The following ALAD variants were observed in gnomAD, a reference collection of about 807,000 sequenced individuals.
ALAD encodes the protein aminolevulinate dehydratase, also known as delta-aminolevulinic acid dehydratase.
A neutral mutation model predicts 44.4 loss-of-function variants in ALAD; 20 were observed. The ratio of observed to expected loss-of-function variants is 0.45; its 90% CI spans 0.32 to 0.65. The LOEUF (loss-of-function observed/expected upper bound fraction) is 0.65, where lower values mean the gene tolerates loss of function less well. ALAD is among the 30% of genes least tolerant of loss of function. The pLI is 0.05. For missense variants in ALAD, 323 were observed against 445.7 expected (o/e 0.72, Z 2.48); for synonymous variants, 156 against 167.9 (o/e 0.93, Z 0.55).
intron 1 of ALAD, among the ~76,000 whole-genome samples, chr9:113,399,232 A>C (rs1827802629): frequency 6.6e-6 from 1 of 152,192 alleles, no homozygotes; most frequent in Non-Finnish European, 1.5e-5. Context: ...GATATCTCTA[A>C]CTTGCAAGGC....
intron 1 of ALAD, among the ~76,000 whole-genome samples, chr9:113,400,695 G>C (rs931166475): frequency 1.2e-4 from 19 of 152,246 alleles, no homozygotes; most frequent in African/African-American, 4.6e-4. Context: ...GGTGGCACAC[G>C]CCTGTAATCC....
chr9:113,388,251 C>T lies in ALAD; in HGVS notation c.*49G>A. 2 of 1,590,380 alleles carry T rather than the reference C, an allele frequency of 1.3e-6. No individual in the cohort carries two copies. The highest frequency in any genetic ancestry group is 1.7e-6 in the Non-Finnish European group (2 of 1,158,444). The stretch of plus-strand genomic sequence containing the variant: ...TACTTTGGTTTTCACTTGTCTGAGG[C>T]CCCGGGAACGTTTTAAAGTTCTAGT... On this transcript the variant is annotated 3_prime_UTR_variant, in exon 12 of 12. Coordinates refer to ENST00000409155, the MANE Select transcript of ALAD (RefSeq NM_000031.6).
In ALAD at chr9:113,389,674, C is replaced by T. The variant is rs1827516004; in HGVS notation, c.639G>A (p.Lys213=). 6.2e-7 allele frequency: 1 copy of T among 1,614,198 alleles called. No individual in the cohort carries two copies. The highest frequency in any genetic ancestry group is 1.1e-5 in the South Asian group (1 of 91,090). The change falls in exon 9 of 12, where the codon AAG becomes AAA. Residue 213 remains lysine, a synonymous_variant. Coordinates refer to ENST00000409155, the MANE Select transcript of ALAD (RefSeq NM_000031.6). ...CFYGPFRDAA[K]SSPAFGDRRC... Reference sequence around the variant, plus strand: ...GGCGGTCCCCAAAAGCTGGGCTTGACTTAGCTGCATCCCTGCAAAGCAGAG... The same window carrying T: ...GGCGGTCCCCAAAAGCTGGGCTTGATTTAGCTGCATCCCTGCAAAGCAGAG...
chr9:113,399,256 G>A (rs1827803045), intron 1 of ALAD, among the ~76,000 whole-genome samples: 1 of 152,226 alleles, frequency 6.6e-6, no homozygotes, highest in Non-Finnish European at 1.5e-5. Context: ...GGAGATTATT[G>A]ATAGGGATAA....
rs200781693 is a variant in ALAD at position 113,389,034 on chromosome 9, C to T, written c.874G>A (p.Gly292Arg). The T allele has an allele frequency of 4.0e-5, 64 of 1,613,864 alleles. No homozygotes were observed. In the Admixed American group the frequency reaches 7.3e-4, roughly 18 times the overall value. ...FAMLWHGAQA[G>R]AFDLKAAVLE... Reference sequence around the variant, plus strand: ...ACGGCAGCCTTGAGATCAAATGCCCCGGCCTGGGCTCCATGCCACAGCATG... The same window carrying T: ...ACGGCAGCCTTGAGATCAAATGCCCTGGCCTGGGCTCCATGCCACAGCATG... Residue 292 changes from glycine (G) to arginine (R), a missense_variant, in exon 11 of 12, where the codon GGG (glycine) becomes AGG (arginine). Coordinates refer to ENST00000409155, the MANE Select transcript of ALAD (RefSeq NM_000031.6).
intron 1 of ALAD, among the ~76,000 whole-genome samples, chr9:113,395,265 T>C (rs1181662909): frequency 6.6e-6 from 1 of 152,112 alleles, no homozygotes; most frequent in Non-Finnish European, 1.5e-5. Context: ...TTTCCTAACC[T>C]TGTCCCTTTA....
At position 113,388,141 on chromosome 9, in the gene ALAD, G is replaced by A. The variant is rs544063249; in HGVS notation, c.*159C>T. 9 of 747,124 alleles carry A rather than the reference G, an allele frequency of 1.2e-5. No homozygotes were observed. In the South Asian group the frequency reaches 1.3e-4, roughly 11 times the overall value. 46.3% of individuals were successfully genotyped at this position (747,124 alleles called of 1,614,324 possible). A position where few individuals can be genotyped will look rare whatever the true frequency, so the allele number is the denominator to read the frequency against. ...AGCTGCGAGTTACAAGAGTTAGCATGCTGGCAAAACCACCCAGGGCTGCTG... is the reference window on the plus strand; with the variant it reads ...AGCTGCGAGTTACAAGAGTTAGCATACTGGCAAAACCACCCAGGGCTGCTG... On this transcript the variant is annotated 3_prime_UTR_variant, in exon 12 of 12. Transcript: ENST00000409155.
intron 1 of ALAD, among the ~76,000 whole-genome samples, chr9:113,399,449 A>C (rs2119015457): frequency 6.6e-6 from 1 of 152,280 alleles, no homozygotes; most frequent in South Asian, 2.1e-4. Flanking sequence ...TCTGAAGTGG[A>C]GTCCCTGCCT....
At chr9:113,394,473 G>A (rs1185209515) in intron 1 of ALAD, among the ~76,000 whole-genome samples, 1 of 151,818 alleles carries the variant, frequency 6.6e-6, no homozygotes, top group Non-Finnish European at 1.5e-5. Flanking sequence ...AGGAGTTCAA[G>A]GTTGCAGTAA....
chr9:113,394,399 G>A (rs1372736558), intron 1 of ALAD, among the ~76,000 whole-genome samples: 1 of 151,586 alleles, frequency 6.6e-6, no homozygotes, highest in African/African-American at 2.4e-5. Flanking sequence ...TCAGCCAGGT[G>A]TGGTGGTCCA....
chr9:113,390,877 A>T lies in ALAD; in HGVS notation c.318T>A (p.His106Gln). 1.2e-6 allele frequency: 2 copies of T among 1,614,144 alleles called. No individual in the cohort carries two copies. Among genetic ancestry groups the T allele is most frequent in the Non-Finnish European group, 1.7e-6 (2 of 1,180,022 alleles). ...SEESPAIEAI[H>Q]LLRKTFPNLL... ...GGTTGGGGAAGGTCTTCCTCAACAG[A>T]TGGATTGCCTCAATAGCTGGGGACT... is the stretch of plus-strand genomic sequence containing the variant. Residue 106 changes from histidine to glutamine, a missense_variant, in exon 5 of 12, where the codon CAT becomes CAA. By Grantham distance (24) the His-to-Gln change is conservative. Coordinates refer to ENST00000409155, the MANE Select transcript of ALAD (RefSeq NM_000031.6).
At chr9:113,397,064 C>G (rs551575449) in intron 1 of ALAD, 2 of 152,344 alleles carry the variant, frequency 1.3e-5, no homozygotes, top group South Asian at 2.1e-4. Context: ...ACACAGCGAG[C>G]AAAAGGACTA....
Position 113,392,918 on chromosome 9 carries a change from C to T in ALAD, c.113+529G>A, listed in dbSNP as rs868119561. 1.3e-4 allele frequency among the ~76,000 whole-genome samples: 19 copies of T among 149,842 alleles called. No homozygotes were observed. In the South Asian group the frequency reaches 2.9e-3, roughly 23 times the overall value. On this transcript the variant is annotated intron_variant, in intron 2 of 11. Coordinates refer to ENST00000409155, the MANE Select transcript of ALAD (RefSeq NM_000031.6). Reference sequence around the variant, plus strand: ...CTGCAAGCTCCGCCTCCCGGGTTCACGCCATTCTCCTGCCTCAGCCTCCCA... The same window carrying T: ...CTGCAAGCTCCGCCTCCCGGGTTCATGCCATTCTCCTGCCTCAGCCTCCCA...
intron 2 of ALAD, 39 bp downstream of exon 2, chr9:113,393,408 C>CCCAAA: frequency 1.3e-6 from 2 of 1,510,644 alleles, no homozygotes; most frequent in Non-Finnish European, 1.8e-6. Context: ...CCAACCCCAA[C>CCCAAA]CAGCAGAGCA....
chr9:113,397,620 CTTTTTTTTTT>C (rs554533853), intron 1 of ALAD, among the ~76,000 whole-genome samples: 2 of 108,780 alleles, frequency 1.8e-5, no homozygotes, highest in African/African-American at 3.6e-5. Flanking sequence ...TTTTCCTTTT[CTTTTTTTTTT>C]TTTTTTTTTT....
At chr9:113,392,058 C>T in intron 3 of ALAD, 61 bp downstream of exon 3, 1 of 1,473,046 alleles carries the variant, frequency 6.8e-7, no homozygotes, top group Non-Finnish European at 9.3e-7. Context: ...CCTCCCAGCA[C>T]TTCCACCTGT....
intron 1 of ALAD, among the ~76,000 whole-genome samples, chr9:113,395,867 G>A (rs1185612285): frequency 1.3e-5 from 2 of 152,114 alleles, no homozygotes; most frequent in African/African-American, 2.4e-5. Context: ...AGACCAGGCT[G>A]GCCAATGTGG....
Position 113,388,971 on chromosome 9 carries a change from G to A in ALAD, c.931+6C>T, listed in dbSNP as rs893250215. On this transcript the variant is annotated splice_donor_region_variant and intron_variant, in intron 11 of 11. Transcript: ENST00000409155. ...AGGTCAAAACACCCCACCCTTGCCT[G>A]CCTACCTGCTCTGCGGAAGGCAGTC... The A allele has an allele frequency of 3.1e-6, 5 of 1,613,682 alleles. No homozygotes were observed. Among genetic ancestry groups the A allele is most frequent in the African/African-American group, 1.3e-5 (1 of 74,928 alleles).
Position 113,393,615 on chromosome 9 carries a change from G to T in ALAD, c.-56C>A. The T allele has an allele frequency of 7.0e-7, 1 of 1,421,866 alleles. No individual in the cohort carries two copies. Among genetic ancestry groups the T allele is most frequent in the Non-Finnish European group, 9.9e-7 (1 of 1,007,272 alleles). 88.1% of individuals were successfully genotyped at this position (1,421,866 alleles called of 1,614,324 possible). ...TTGGTTGGAACCGAGGGCTCCTGGG[G>T]CATTGGCTGCAGGCTCTGTCTGTGG... On this transcript the variant is annotated 5_prime_UTR_variant, in exon 2 of 12. Transcript: ENST00000409155.
Sources: gnomAD v4.1 joint callset for allele counts (sites outside exome capture counted in the v4.1 genomes callset) on GRCh38, gnomAD v4.1.1 for gene constraint, MANE v1.5 for transcripts, NCBI Gene and HGNC (gene_info 2026-07-23, HGNC 2026-07-21) for gene names.